The following CEP104 variants were observed in gnomAD, a reference collection of about 807,000 sequenced individuals.
CEP104 encodes centrosomal protein of 104 kDa.
In CEP104, 84 loss-of-function variants were observed where a neutral mutation model predicts 113.3. The ratio of observed to expected loss-of-function variants is 0.74; its 90% CI spans 0.62 to 0.89. The LOEUF (loss-of-function observed/expected upper bound fraction) is 0.89. Among genes scored for constraint, CEP104 ranks in the 40% least tolerant of loss-of-function variants. The probability of loss-of-function intolerance (pLI) is 0.00; values close to 1 mark genes in which losing one functional copy is unlikely to be tolerated. For missense variants in CEP104, 1,053 were observed against 1,156.6 expected (o/e 0.91, Z 1.30); for synonymous variants, 378 against 421.7 (o/e 0.90, Z 1.27).
intron 8 of CEP104, 107 bp downstream of exon 8, chr1:3,838,857 G>A: frequency 8.2e-7 from 1 of 1,221,480 alleles, no homozygotes; most frequent in Non-Finnish European, 1.2e-6. Context: ...GCACTGCAGA[G>A]TGTTTTACAC....
rs186669023 is a variant in CEP104, at chr1:3,823,100, C to T, written c.2571+74G>A. On this transcript the variant is annotated intron_variant, in intron 20 of 21. Transcript: ENST00000378230. This position sits in a 1 kb window ranked among gnomAD's most constrained non-coding sequence, Gnocchi z 4.1. ...TGTGGCTATGGTCCCGCACTGACACCACCACTGTCACCACCACTGCCATCC... is the reference window on the plus strand; with the variant it reads ...TGTGGCTATGGTCCCGCACTGACACTACCACTGTCACCACCACTGCCATCC... 8.7e-4 allele frequency: 1,197 copies of T among 1,375,204 alleles called. 5 individuals are homozygous for T. In the African/African-American group the frequency reaches 0.016, roughly 18 times the overall value. 85.2% of individuals were successfully genotyped at this position (1,375,204 alleles called of 1,614,324 possible).
chr1:3,830,732 C>T (rs1417033301), intron 13 of CEP104, among the ~76,000 whole-genome samples: 2 of 146,522 alleles, frequency 1.4e-5, no homozygotes, highest in Non-Finnish European at 3.0e-5. Context: ...GCCGAGATGG[C>T]ACCACTGCAC....
chr1:3,845,027 G>T, intron 5 of CEP104, 44 bp from the exon 6 acceptor site: 1 of 1,478,332 alleles, frequency 6.8e-7, no homozygotes, highest in Non-Finnish European at 9.5e-7. Context: ...AGAGAAAGAG[G>T]AACAACACAA....
chr1:3,841,851 T>C (rs1217584212), intron 6 of CEP104, among the ~76,000 whole-genome samples: 1 of 152,228 alleles, frequency 6.6e-6, no homozygotes, highest in Non-Finnish European at 1.5e-5. Flanking sequence ...ACTGAGAAAC[T>C]AAAGACTTAA....
chr1:3,831,787 C>G (rs1414032312), intron 12 of CEP104, among the ~76,000 whole-genome samples: 4 of 152,176 alleles, frequency 2.6e-5, no homozygotes, highest in Non-Finnish European at 5.9e-5. Context: ...GATGTTGAAT[C>G]ATTAAGTTAC....
intron 6 of CEP104, chr1:3,843,323 G>GC: frequency 2.2e-6 from 1 of 456,392 alleles, no homozygotes; most frequent in Non-Finnish European, 4.0e-6. Flanking sequence ...TTCTTACACT[G>GC]CTAAAAAAAA....
intron 3 of CEP104, among the ~76,000 whole-genome samples, chr1:3,847,988 C>A (rs1644538774): frequency 6.6e-6 from 1 of 152,128 alleles, no homozygotes; most frequent in Non-Finnish European, 1.5e-5. Context: ...ACGCTCACCA[C>A]CATGCCCGGC....
rs1178400985 is a variant in CEP104 at position 3,819,973 on chromosome 1, A to G, written c.2571+3201T>C. ...TGCCAGCTGCTGGGATGAGCCTGGA[A>G]GTGAGTCCTTCCCTAGCAGGGCTGA... On this transcript the variant is annotated intron_variant, in intron 20 of 21. Coordinates refer to ENST00000378230, the MANE Select transcript of CEP104 (RefSeq NM_014704.4). The surrounding 1 kb of genome is among the most constrained non-coding windows in gnomAD (Gnocchi z 4.6). Among the ~76,000 whole-genome samples the G allele has an allele frequency of 6.6e-6, 1 of 152,088 alleles. No homozygotes were observed.
intron 6 of CEP104, among the ~76,000 whole-genome samples, chr1:3,840,022 ATC>A (rs781111611): frequency 7.9e-5 from 12 of 152,212 alleles, no homozygotes; most frequent in Non-Finnish European, 1.3e-4. Context: ...ACTTCAGGGC[ATC>A]TGAGCCTCCA....
rs1355018249 is a variant in CEP104 at position 3,832,516 on chromosome 1, GACCAGGAGTGTAGTGTAGGTCATA to G, written c.1660-1318_1660-1295del. ...TGACCAGGAGTGTAGTGTAGGTCGT[GACCAGGAGTGTAGTGTAGGTCATA>G]ACCAGGAGTGTAGTGTAGCACATTA... On this transcript the variant is annotated intron_variant, in intron 12 of 21. Coordinates refer to ENST00000378230, the MANE Select transcript of CEP104 (RefSeq NM_014704.4). Among the ~76,000 whole-genome samples, 536 of 89,594 alleles carry G rather than the reference GACCAGGAGTGTAGTGTAGGTCATA, an allele frequency of 6.0e-3. 6 individuals are homozygous for G. Among genetic ancestry groups the G allele is most frequent in the African/African-American group, 0.015 (468 of 30,586 alleles). 58.8% of individuals were successfully genotyped at this position (89,594 alleles called of 152,430 possible).
Position 3,821,904 on chromosome 1 carries a change from T to C in CEP104, c.2571+1270A>G, listed in dbSNP as rs200763186. Among the ~76,000 whole-genome samples, 18 of 152,296 alleles carry C rather than the reference T, an allele frequency of 1.2e-4. No homozygotes were observed. In the East Asian group the frequency reaches 3.3e-3, roughly 28 times the overall value. On this transcript the variant is annotated intron_variant, in intron 20 of 21. Coordinates refer to ENST00000378230, the MANE Select transcript of CEP104 (RefSeq NM_014704.4). ...ACCAACCAGGCACCGGGGCCTTCTA[T>C]GGATCCCGGTAATCAGATGCTTCTG...
Position 3,816,148 on chromosome 1 carries a change from A to G in CEP104, c.2662+132T>C, listed in dbSNP as rs113757675. 919 of 709,104 alleles carry G rather than the reference A, an allele frequency of 1.3e-3. 3 individuals are homozygous for G. In the African/African-American group the frequency reaches 0.015, roughly 12 times the overall value. 43.9% of individuals were successfully genotyped at this position (709,104 alleles called of 1,614,324 possible). A position where few individuals can be genotyped will look rare whatever the true frequency, so the allele number is the denominator to read the frequency against. On this transcript the variant is annotated intron_variant, in intron 21 of 21. Transcript: ENST00000378230. ...CTTACTAAGGAACCAGAACATGAAGACAGGCTTGGATGCTTTATTTTGCTT... is the reference window on the plus strand; with the variant it reads ...CTTACTAAGGAACCAGAACATGAAGGCAGGCTTGGATGCTTTATTTTGCTT...
chr1:3,833,994 T>TAAACATATA lies in CEP104; in HGVS notation c.1526_1527insTATATGTTT (p.Thr509_Gln510insIleCysLeu), dbSNP rs1361900145. ...TCAGTTTATGTTTAGGAATATATTG[T>TAAACATATA]GTAATGATCATTTTCAACAATTTCA... On this transcript the variant is annotated inframe_insertion, in exon 12 of 22. Transcript: ENST00000378230. The TAAACATATA allele has an allele frequency of 6.2e-7, 1 of 1,613,660 alleles. No homozygotes were observed. Among genetic ancestry groups the TAAACATATA allele is most frequent in the African/African-American group, 1.3e-5 (1 of 74,920 alleles).
chr1:3,829,522 T>C (rs965976157), intron 14 of CEP104, 149 bp from the exon 15 acceptor site: 2 of 682,212 alleles, frequency 2.9e-6, no homozygotes, highest in African/African-American at 3.6e-5. Context: ...TTTCCATTGA[T>C]TTCATTGGTG....
intron 4 of CEP104, among the ~76,000 whole-genome samples, chr1:3,846,316 A>G (rs1311756185): frequency 6.6e-6 from 1 of 151,996 alleles, no homozygotes; most frequent in Admixed American, 6.6e-5. Context: ...CTGTAGACTA[A>G]CCCCACACCG....
Position 3,819,794 on chromosome 1 carries a change from G to A in CEP104, c.2571+3380C>T, listed in dbSNP as rs377280830. On this transcript the variant is annotated intron_variant, in intron 20 of 21. Coordinates refer to ENST00000378230, the MANE Select transcript of CEP104 (RefSeq NM_014704.4). The surrounding 1 kb of genome is among the most constrained non-coding windows in gnomAD (Gnocchi z 4.6). ...GAATGAACGGCAAAACAATTCACACGAAATTAGAAAGACGTGTCTCAGCAG... is the reference window on the plus strand; with the variant it reads ...GAATGAACGGCAAAACAATTCACACAAAATTAGAAAGACGTGTCTCAGCAG... Among the ~76,000 whole-genome samples, 5 of 152,182 alleles carry A rather than the reference G, an allele frequency of 3.3e-5. No individual in the cohort carries two copies. Among genetic ancestry groups the A allele is most frequent in the East Asian group, 1.9e-4 (1 of 5,194 alleles).
chr1:3,829,744 C>G, intron 14 of CEP104, 47 bp downstream of exon 14: 1 of 1,566,372 alleles, frequency 6.4e-7, no homozygotes, highest in Non-Finnish European at 8.8e-7. Context: ...AACTGAGTAA[C>G]TTCTTCAACA....
At chr1:3,843,023 A>C in intron 6 of CEP104, 1 of 454,094 alleles carries the variant, frequency 2.2e-6, no homozygotes, top group Non-Finnish European at 4.0e-6. Flanking sequence ...CCTGACCTCA[A>C]GTGATCTGCC....
chr1:3,836,703 T>C lies in CEP104; in HGVS notation c.1120-11A>G. 1 of 1,612,612 alleles carries C rather than the reference T, an allele frequency of 6.2e-7. No homozygotes were observed. The highest frequency in any genetic ancestry group is 8.5e-7 in the Non-Finnish European group (1 of 1,179,852). On this transcript the variant is annotated splice_polypyrimidine_tract_variant and intron_variant, in intron 9 of 21. Coordinates refer to ENST00000378230, the MANE Select transcript of CEP104 (RefSeq NM_014704.4). Reference sequence around the variant, plus strand: ...GGGCAGGGACTCTGCCTGCAGTGAGTGAAGGAGAGAGGAAAGTGCTGGGGA... The same window carrying C: ...GGGCAGGGACTCTGCCTGCAGTGAGCGAAGGAGAGAGGAAAGTGCTGGGGA...
Sources: gnomAD v4.1 joint callset for allele counts (sites outside exome capture counted in the v4.1 genomes callset) on GRCh38, gnomAD v4.1.1 for gene constraint, Gnocchi (gnomAD v3.1) non-coding constraint, MANE v1.5 for transcripts, NCBI Gene and HGNC (gene_info 2026-07-23, HGNC 2026-07-21) for gene names.